Variants in SEMA3F observed in about 807,000 individuals in gnomAD.
The protein encoded by SEMA3F is semaphorin-3F.
In SEMA3F, 30 loss-of-function variants were observed where a neutral mutation model predicts 98.5. The observed-to-expected ratio is 0.30, with a 90% CI of 0.23 to 0.41. The LOEUF (loss-of-function observed/expected upper bound fraction) is 0.41. Among genes scored for constraint, SEMA3F ranks in the 10% least tolerant of loss-of-function variants. The pLI is 1.00. For missense variants in SEMA3F, 866 were observed against 1,119.3 expected (o/e 0.77, Z 3.23); for synonymous variants, 380 against 444.8 (o/e 0.85, Z 1.83).
intron 7 of SEMA3F, among the ~76,000 whole-genome samples, chr3:50,181,317 T>A (rs1013029132): frequency 6.6e-6 from 1 of 152,046 alleles, no homozygotes; most frequent in African/African-American, 2.4e-5. Flanking sequence ...TGTTTTTTTT[T>A]TTTATTTTTG....
rs763442956 is a variant in SEMA3F at position 50,173,853 on chromosome 3, G to A, written c.173G>A (p.Arg58Gln). The A allele has an allele frequency of 1.1e-5, 17 of 1,613,986 alleles. No individual in the cohort carries two copies. Among genetic ancestry groups the A allele is most frequent in the East Asian group, 2.2e-5 (1 of 44,886 alleles). ...TTCCTGCTCAACACAACCGACTACC[G>A]AATCTTGCTCAAGGACGAGGACCAC... ...FNFLLNTTDY[R>Q]ILLKDEDHDR... The change falls in exon 3 of 19, where the codon CGA (arginine) becomes CAA (glutamine). Residue 58 changes from arginine (R) to glutamine (Q), a missense_variant. Physicochemically the swap from Arg to Gln is conservative, Grantham distance 43 (BLOSUM62 1). Transcript: ENST00000002829.
chr3:50,166,731 G>A lies in SEMA3F; in HGVS notation c.112+6997G>A, dbSNP rs768580899. 6.6e-6 allele frequency among the ~76,000 whole-genome samples: 1 copy of A among 152,224 alleles called. No homozygotes were observed. The highest frequency in any genetic ancestry group is 1.5e-5 in the Non-Finnish European group (1 of 68,042). On this transcript the variant is annotated intron_variant, in intron 2 of 18. Transcript: ENST00000002829. This position sits in a 1 kb window ranked among gnomAD's most constrained non-coding sequence, Gnocchi z 4.7. Reference sequence around the variant, plus strand: ...AGAGATGGGGGCTGGGCCCAGGGGAGGGGGAGGGTTTTGACACCCACCAGC... The same window carrying A: ...AGAGATGGGGGCTGGGCCCAGGGGAAGGGGAGGGTTTTGACACCCACCAGC...
At position 50,186,271 on chromosome 3, in the gene SEMA3F, C is replaced by G; in HGVS notation, c.1746-10C>G. 1 of 1,613,276 alleles carries G rather than the reference C, an allele frequency of 6.2e-7. No individual in the cohort carries two copies. The highest frequency in any genetic ancestry group is 1.7e-4 in the Middle Eastern group (1 of 6,056). ...CTGGGAGCACTCCTTCAGGGGCTAT[C>G]CTCATCCAGGCGGAGCCGCCGGCAG... On this transcript the variant is annotated splice_polypyrimidine_tract_variant and intron_variant, in intron 16 of 18. Coordinates refer to ENST00000002829, the MANE Select transcript of SEMA3F (RefSeq NM_004186.5).
At chr3:50,179,420 G>A (rs1698943188) in intron 7 of SEMA3F, among the ~76,000 whole-genome samples, 1 of 151,264 alleles carries the variant, frequency 6.6e-6, no homozygotes, top group African/African-American at 2.4e-5. Context: ...CTGCCTCCTG[G>A]GTTCAAGCGA....
At chr3:50,178,438 C>T (rs566974549) in intron 7 of SEMA3F, among the ~76,000 whole-genome samples, 3 of 151,476 alleles carry the variant, frequency 2.0e-5, no homozygotes, top group South Asian at 2.1e-4. Context: ...TTCAGAAAAC[C>T]GGCCAGGCAC....
chr3:50,183,643 C>T, intron 12 of SEMA3F, 79 bp downstream of exon 12: 1 of 1,488,716 alleles, frequency 6.7e-7, no homozygotes, highest in Non-Finnish European at 9.2e-7. Context: ...GCAACATGGG[C>T]CCCACCATCA....
chr3:50,176,971 C>A, intron 7 of SEMA3F, 110 bp downstream of exon 7: 1 of 881,984 alleles, frequency 1.1e-6, no homozygotes, highest in South Asian at 1.4e-5. Context: ...CTAGGCTGTC[C>A]CTGAACTCCC....
intron 2 of SEMA3F, among the ~76,000 whole-genome samples, chr3:50,167,811 C>T (rs868582810): frequency 5.9e-5 from 9 of 152,162 alleles, no homozygotes; most frequent in Non-Finnish European, 8.8e-5. Flanking sequence ...ACCATCTCCA[C>T]CTTACCAGAG....
chr3:50,186,085 C>A, intron 16 of SEMA3F, 39 bp downstream of exon 16: 1 of 1,580,476 alleles, frequency 6.3e-7, no homozygotes, highest in Non-Finnish European at 8.6e-7. Flanking sequence ...AGCAACCAGT[C>A]CCAGGGCCCT....
chr3:50,168,551 G>A (rs1299994565), intron 2 of SEMA3F, among the ~76,000 whole-genome samples: 1 of 152,072 alleles, frequency 6.6e-6, no homozygotes, highest in Admixed American at 6.6e-5. Context: ...GGGCCTCCCT[G>A]CCCCCCCGCT....
chr3:50,160,565 G>C (rs1034925862), intron 2 of SEMA3F, among the ~76,000 whole-genome samples: 6 of 152,238 alleles, frequency 3.9e-5, no homozygotes, highest in Non-Finnish European at 8.8e-5. Flanking sequence ...CCCAGGGTGA[G>C]GGGCAGTGGC....
rs1338683345 is a variant in SEMA3F, at chr3:50,173,869, C to T, written c.189C>T (p.Asp63=). 6 of 1,614,124 alleles carry T rather than the reference C, an allele frequency of 3.7e-6. No individual in the cohort carries two copies. Among genetic ancestry groups the T allele is most frequent in the East Asian group, 2.2e-5 (1 of 44,880 alleles). ...NTTDYRILLK[D]EDHDRMYVGS... ...CCGACTACCGAATCTTGCTCAAGGA[C>T]GAGGACCACGACCGCATGTACGTGG... The change falls in exon 3 of 19, where the codon GAC becomes GAT. Residue 63 remains aspartate (D), a synonymous_variant. Coordinates refer to ENST00000002829, the MANE Select transcript of SEMA3F (RefSeq NM_004186.5).
rs1300931462 is a variant in SEMA3F, at chr3:50,182,962, G to A, written c.962G>A (p.Arg321Gln). Residue 321 changes from arginine (R) to glutamine (Q), a missense_variant, in exon 10 of 19, where the codon CGG becomes CAG. This residue lies in a region of SEMA3F where 374 missense variants were observed against 582.8 expected (regional missense o/e 0.64). Coordinates refer to ENST00000002829, the MANE Select transcript of SEMA3F (RefSeq NM_004186.5). This position sits in a 1 kb window ranked among gnomAD's most constrained non-coding sequence, Gnocchi z 4.5. The part of the protein sequence containing the change: ...VNKWSTFLKA[R>Q]LVCSVPGEDG... ...AAGTGGAGCACATTCCTGAAGGCGC[G>A]GCTCGTCTGCTCTGTCCCGGGCGAG... 7.4e-6 allele frequency: 12 copies of A among 1,613,868 alleles called. No individual in the cohort carries two copies. The highest frequency in any genetic ancestry group is 2.2e-5 in the East Asian group (1 of 44,898).
At chr3:50,187,649 G>A (rs2109128647) in intron 18 of SEMA3F, 56 bp from the exon 19 acceptor site, 2 of 1,474,410 alleles carry the variant, frequency 1.4e-6, no homozygotes, top group South Asian at 1.4e-5. Context: ...CTGGTTGCTG[G>A]CTAGGGCCAT....
At position 50,188,052 on chromosome 3, in the gene SEMA3F, G is replaced by A; in HGVS notation, c.2295G>A (p.Arg765=). 1 of 1,587,044 alleles carries A rather than the reference G, an allele frequency of 6.3e-7. No homozygotes were observed. ...CCAGGGAGGCTCCAGGGGCACCCCG[G>A]TCTCCTGAGCCCCAGGACCAGAAAA... is the stretch of plus-strand genomic sequence containing the variant. ...PSPREAPGAP[R]SPEPQDQKKP... is the part of the protein sequence containing the mutation. The change falls in exon 19 of 19, where the codon CGG becomes CGA. Residue 765 remains arginine, a synonymous_variant. Coordinates refer to ENST00000002829, the MANE Select transcript of SEMA3F (RefSeq NM_004186.5). This position sits in a 1 kb window ranked among gnomAD's most constrained non-coding sequence, Gnocchi z 4.5.
intron 2 of SEMA3F, chr3:50,173,375 G>A (rs1467568908): frequency 1.1e-5 from 2 of 187,658 alleles, no homozygotes; most frequent in Non-Finnish European, 2.2e-5. Flanking sequence ...AGGAGGCTGG[G>A]GCAGCAGAAT....
At chr3:50,170,571 GA>G (rs1269527606) in intron 2 of SEMA3F, among the ~76,000 whole-genome samples, 2 of 152,110 alleles carry the variant, frequency 1.3e-5, no homozygotes, top group East Asian at 3.8e-4. Context: ...GCCAGGCCGT[GA>G]GCCTCTCTCT....
intron 2 of SEMA3F, among the ~76,000 whole-genome samples, chr3:50,165,607 A>G (rs549978498): frequency 6.6e-6 from 1 of 152,336 alleles, no homozygotes; most frequent in East Asian, 1.9e-4. Context: ...TATCCTGGGA[A>G]TCTGAGCCCC....
At position 50,158,248 on chromosome 3, in the gene SEMA3F, T is replaced by A. The variant is rs1310502981; in HGVS notation, c.-48-1327T>A. ...CAGCTAGCCTCCCCAGGAGGCAGCA[T>A]CTATGACAGGGGATCTGGAAGGACC... On this transcript the variant is annotated intron_variant, in intron 1 of 18. Transcript: ENST00000002829. This position sits in a 1 kb window ranked among gnomAD's most constrained non-coding sequence, Gnocchi z 4.8. Among the ~76,000 whole-genome samples the A allele has an allele frequency of 6.6e-6, 1 of 152,212 alleles. No homozygotes were observed. Among genetic ancestry groups the A allele is most frequent in the Non-Finnish European group, 1.5e-5 (1 of 68,028 alleles).
Sources: allele counts gnomAD v4.1 joint callset (sites outside exome capture counted in the v4.1 genomes callset), GRCh38; gene constraint gnomAD v4.1.1; regional missense constraint gnomAD v4.1.1; non-coding constraint Gnocchi (gnomAD v3.1); transcripts MANE v1.5; gene names NCBI Gene and HGNC (gene_info 2026-07-23, HGNC 2026-07-21).